Variants in RCBTB1 observed in about 807,000 individuals in gnomAD.
RCBTB1 encodes the protein RCC1 and BTB domain containing protein 1.
A neutral mutation model predicts 62.4 loss-of-function variants in RCBTB1; 46 were observed. The observed-to-expected ratio is 0.74, with a 90% confidence interval of 0.58 to 0.94. The LOEUF (loss-of-function observed/expected upper bound fraction) is 0.94. Ranked by LOEUF, RCBTB1 falls within the 40% of genes least tolerant of loss-of-function variation. RCBTB1 has a pLI of 0.00. For synonymous variants in RCBTB1, 222 were observed against 245.8 expected (o/e 0.90, Z 0.91); for missense variants, 565 against 654.9 (o/e 0.86, Z 1.50).
chr13:49,563,236 CA>C (rs374141535), intron 4 of RCBTB1, among the ~76,000 whole-genome samples: 1 of 145,610 alleles, frequency 6.9e-6, no homozygotes, highest in Non-Finnish European at 1.5e-5. Context: ...CTCATCTCTA[CA>C]AAAAAATTTA....
chr13:49,549,593 C>T lies in RCBTB1; in HGVS notation c.910G>A (p.Gly304Ser). The T allele has an allele frequency of 6.2e-7, 1 of 1,614,060 alleles. No individual in the cohort carries two copies. Among genetic ancestry groups the T allele is most frequent in the South Asian group, 1.1e-5 (1 of 91,070 alleles). ...SAHTSAAKTQ[G>S]GHVYMWGQCR... is the part of the protein sequence containing the mutation. Reference sequence around the variant, plus strand: ...TGGCCCCACATGTACACGTGCCCACCCTGCGTCTTGGCTGCAGACGTGTGG... The same window carrying T: ...TGGCCCCACATGTACACGTGCCCACTCTGCGTCTTGGCTGCAGACGTGTGG... The change falls in exon 9 of 13, where the codon GGT becomes AGT. Residue 304 changes from glycine to serine, a missense_variant. Physicochemically the swap from Gly to Ser is moderately conservative, Grantham distance 56. Transcript: ENST00000378302.
Position 49,534,021 on chromosome 13 carries a change from TG to T in RCBTB1, c.*100del. Reference sequence around the variant, plus strand: ...CCAGATGTGGAAAAAAACAACCTGATGGTCTTTTACCTGCAGAATCACATCA... The same window carrying T: ...CCAGATGTGGAAAAAAACAACCTGATGTCTTTTACCTGCAGAATCACATCA... On this transcript the variant is annotated 3_prime_UTR_variant, in exon 13 of 13. Coordinates refer to ENST00000378302, the MANE Select transcript of RCBTB1 (RefSeq NM_018191.4). 1 of 1,277,102 alleles carries T rather than the reference TG, an allele frequency of 7.8e-7. No individual in the cohort carries two copies. Among genetic ancestry groups the T allele is most frequent in the Non-Finnish European group, 1.1e-6 (1 of 930,810 alleles). 79.1% of individuals were successfully genotyped at this position (1,277,102 alleles called of 1,614,324 possible).
At chr13:49,555,481 G>A in intron 6 of RCBTB1, 34 bp downstream of exon 6, 14 of 1,568,782 alleles carry the variant, frequency 8.9e-6, no homozygotes, top group Non-Finnish European at 1.2e-5. Flanking sequence ...TGAAAAAGAA[G>A]GTAGAAAGGG....
chr13:49,566,573 G>T (rs749483425), intron 4 of RCBTB1, 45 bp downstream of exon 4: 3 of 1,584,352 alleles, frequency 1.9e-6, no homozygotes, highest in Non-Finnish European at 1.7e-6. Context: ...GAATTAACCG[G>T]TCAATTTCTT....
At chr13:49,547,085 G>A (rs1468232598) in intron 9 of RCBTB1, 2 of 1,280,636 alleles carry the variant, frequency 1.6e-6, no homozygotes, top group Middle Eastern at 2.3e-4. Flanking sequence ...GTGTACAGAA[G>A]TGCTTCAGCT....
intron 12 of RCBTB1, 87 bp downstream of exon 12, chr13:49,540,789 C>T (rs1056725802): frequency 4.2e-6 from 6 of 1,431,190 alleles, no homozygotes; most frequent in Middle Eastern, 1.8e-4. Flanking sequence ...AGTGACTCAT[C>T]GTTTTCCATG....
intron 5 of RCBTB1, among the ~76,000 whole-genome samples, chr13:49,559,514 G>T (rs1374424081): frequency 6.6e-6 from 1 of 152,084 alleles, no homozygotes; most frequent in Non-Finnish European, 1.5e-5. Context: ...AAATTAGGCG[G>T]GTGTGGTGGT....
rs1961141211 is a variant in RCBTB1 at position 49,549,525 on chromosome 13, G to T, written c.978C>A (p.Phe326Leu). The change falls in exon 9 of 13, where the codon TTC (phenylalanine) becomes TTA (leucine). Residue 326 changes from phenylalanine (F) to leucine (L), a missense_variant. By Grantham distance (22) the Phe-to-Leu change is conservative. Coordinates refer to ENST00000378302, the MANE Select transcript of RCBTB1 (RefSeq NM_018191.4). ...AGGCAAACACGTCGTCGGTGCAGGA[G>T]AAGTGGGTGAGGTGCGGGAGGATCA... Reference protein sequence around the residue: ...QSVILPHLTHFSCTDDVFACF... With the variant: ...QSVILPHLTHLSCTDDVFACF... The T allele has an allele frequency of 1.9e-6, 3 of 1,613,960 alleles. No homozygotes were observed. The highest frequency in any genetic ancestry group is 2.5e-6 in the Non-Finnish European group (3 of 1,179,988).
intron 8 of RCBTB1, 185 bp from the exon 9 acceptor site, chr13:49,549,833 C>T (rs1169269710): frequency 1.5e-5 from 15 of 985,202 alleles, no homozygotes; most frequent in Non-Finnish European, 1.6e-5. Flanking sequence ...TTCTCCTTTC[C>T]CAAATGCCCA....
At chr13:49,581,161 A>C (rs530051794) in intron 1 of RCBTB1, among the ~76,000 whole-genome samples, 1 of 152,318 alleles carries the variant, frequency 6.6e-6, no homozygotes, top group African/African-American at 2.4e-5. Flanking sequence ...ATGTAGGTCT[A>C]TGAAAGATTA....
chr13:49,538,504 A>C (rs1960096639), intron 12 of RCBTB1, among the ~76,000 whole-genome samples: 1 of 152,190 alleles, frequency 6.6e-6, no homozygotes, highest in Non-Finnish European at 1.5e-5. Context: ...TGAGCCCAGA[A>C]GTTCAAGACC....
chr13:49,576,173 G>A (rs1295883131), intron 2 of RCBTB1, among the ~76,000 whole-genome samples: 15 of 86,156 alleles, frequency 1.7e-4, no homozygotes, highest in Non-Finnish European at 2.6e-4. Context: ...GGCGACAGGC[G>A]TCGCAAAAAA....
intron 1 of RCBTB1, among the ~76,000 whole-genome samples, chr13:49,584,872 G>A (rs1418544619): frequency 6.6e-6 from 1 of 152,164 alleles, no homozygotes; most frequent in Non-Finnish European, 1.5e-5. Context: ...GAGCAGGTAG[G>A]TACTTTATCA....
intron 5 of RCBTB1, 68 bp downstream of exon 5, chr13:49,559,850 A>G: frequency 1.4e-6 from 2 of 1,463,012 alleles, no homozygotes; most frequent in Non-Finnish European, 1.9e-6. Flanking sequence ...AAGCTGGTAA[A>G]TTTTATGTTA....
At chr13:49,560,218 AC>A in intron 4 of RCBTB1, 134 bp from the exon 5 acceptor site, 1 of 926,472 alleles carries the variant, frequency 1.1e-6, no homozygotes, top group Non-Finnish European at 1.6e-6. Flanking sequence ...CTATTAAGTA[AC>A]CATGGACAGA....
chr13:49,574,204 C>T (rs886080597), intron 2 of RCBTB1, among the ~76,000 whole-genome samples: 6 of 152,002 alleles, frequency 3.9e-5, no homozygotes, highest in Admixed American at 3.3e-4. Flanking sequence ...CTGCAACCTC[C>T]ACCTCCCCAG....
At chr13:49,561,087 T>C (rs936794861) in intron 4 of RCBTB1, among the ~76,000 whole-genome samples, 5 of 152,222 alleles carry the variant, frequency 3.3e-5, no homozygotes, top group Non-Finnish European at 7.3e-5. Context: ...CAGGCATTTC[T>C]TTCCACAGCA....
chr13:49,558,884 C>A (rs1028635757), intron 5 of RCBTB1, among the ~76,000 whole-genome samples: 3 of 152,158 alleles, frequency 2.0e-5, no homozygotes, highest in African/African-American at 4.8e-5. Context: ...ACTTAACCCA[C>A]CACCACTATG....
chr13:49,541,929 C>T, intron 10 of RCBTB1, 102 bp from the exon 11 acceptor site: 1 of 1,353,802 alleles, frequency 7.4e-7, no homozygotes, highest in South Asian at 1.5e-5. Flanking sequence ...ACAGAAGTAT[C>T]CTTGGGCCGG....
Sources: allele counts gnomAD v4.1 joint callset (sites outside exome capture counted in the v4.1 genomes callset), GRCh38; gene constraint gnomAD v4.1.1; transcripts MANE v1.5; gene names NCBI Gene and HGNC (gene_info 2026-07-23, HGNC 2026-07-21).